The following RBMS3 variants were observed in gnomAD, a reference collection of about 807,000 sequenced individuals.
RBMS3 encodes the protein RNA binding motif single stranded interacting protein 3, also known as RNA-binding motif, single-stranded-interacting protein 3.
In RBMS3, 27 loss-of-function variants were observed where a neutral mutation model predicts 66.8. The ratio of observed to expected loss-of-function variants is 0.40; its 90% CI spans 0.30 to 0.56. RBMS3 has a LOEUF of 0.56. RBMS3 is among the 20% of genes least tolerant of loss of function. The pLI, the probability that RBMS3 is intolerant of heterozygous loss-of-function variation, is 0.40. For synonymous variants in RBMS3, 188 were observed against 183.0 expected, an observed-to-expected ratio of 1.03 and a Z score of -0.22; for missense variants, 513 against 549.5, an observed-to-expected ratio of 0.93 and a Z score of 0.66.
intron 2 of RBMS3, among the ~76,000 whole-genome samples, chr3:29,486,617 A>G (rs907127912): frequency 6.6e-6 from 1 of 152,168 alleles, no homozygotes; most frequent in Non-Finnish European, 1.5e-5. Flanking sequence ...ATAAGAAAAC[A>G]TTTAACATTT....
chr3:29,953,992 C>A (rs1012263506), intron 12 of RBMS3, among the ~76,000 whole-genome samples: 3 of 151,722 alleles, frequency 2.0e-5, no homozygotes, highest in African/African-American at 7.3e-5. Flanking sequence ...CTTGTATGTT[C>A]TTGATTTCAT....
intron 1 of RBMS3, among the ~76,000 whole-genome samples, chr3:29,398,556 A>G (rs575389059): frequency 6.6e-6 from 1 of 151,732 alleles, no homozygotes; most frequent in East Asian, 1.9e-4. Context: ...TGATTTGAAA[A>G]CTCTTCTGAA....
At chr3:29,340,764 A>C (rs779024535) in intron 1 of RBMS3, among the ~76,000 whole-genome samples, 6 of 152,136 alleles carry the variant, frequency 3.9e-5, no homozygotes, top group Non-Finnish European at 7.4e-5. Flanking sequence ...TCGCTTTTTC[A>C]GTTTGACAAG....
In RBMS3 at chr3:29,930,097, T is replaced by TTTTC. The variant is rs1187712918; in HGVS notation, c.940-5977_940-5974dup. On this transcript the variant is annotated intron_variant, in intron 10 of 14. Transcript: ENST00000383767. ...ACTGTAGATGAATACTTTGTGTCACTTTTCTTTCTTTCTTTTTTTTTTTTT... is the reference window on the plus strand; with the variant it reads ...ACTGTAGATGAATACTTTGTGTCACTTTTCTTTCTTTCTTTCTTTTTTTTTTTTT... Among the ~76,000 whole-genome samples the TTTTC allele has an allele frequency of 9.6e-3, 720 of 75,104 alleles. 67 individuals carry two copies. Among genetic ancestry groups the TTTTC allele is most frequent in the South Asian group, 0.069 (105 of 1,522 alleles). 49.3% of individuals were successfully genotyped at this position (75,104 alleles called of 152,430 possible). A position where few individuals can be genotyped will look rare whatever the true frequency, so the allele number is the denominator to read the frequency against.
chr3:29,724,373 C>G (rs180868419), intron 4 of RBMS3, among the ~76,000 whole-genome samples: 120 of 152,236 alleles, frequency 7.9e-4, no homozygotes, highest in Non-Finnish European at 1.4e-3. Context: ...TACTGAGCTT[C>G]TGTATTCCTG....
intron 1 of RBMS3, among the ~76,000 whole-genome samples, chr3:29,428,451 C>A (rs1421359950): frequency 6.6e-6 from 1 of 151,926 alleles, no homozygotes; most frequent in Admixed American, 6.6e-5. Flanking sequence ...TCACTACAAC[C>A]CCGCCTGCAG....
intron 4 of RBMS3, among the ~76,000 whole-genome samples, chr3:29,601,921 A>G (rs2048158757): frequency 6.6e-6 from 1 of 152,052 alleles, no homozygotes; most frequent in Non-Finnish European, 1.5e-5. Flanking sequence ...GTTAAGAGGG[A>G]CCATATGTAT....
chr3:29,510,249 T>C (rs1304461826), intron 3 of RBMS3, among the ~76,000 whole-genome samples: 1 of 152,182 alleles, frequency 6.6e-6, no homozygotes, highest in African/African-American at 2.4e-5. Flanking sequence ...GATCAACCCA[T>C]AGTGATTTTC....
intron 10 of RBMS3, among the ~76,000 whole-genome samples, chr3:29,918,224 A>T (rs1304509260): frequency 6.6e-6 from 1 of 152,158 alleles, no homozygotes; most frequent in Non-Finnish European, 1.5e-5. Flanking sequence ...GCAGATTAAT[A>T]AAAAATTATT....
chr3:29,378,467 G>T (rs369498437), intron 1 of RBMS3, among the ~76,000 whole-genome samples: 5 of 137,936 alleles, frequency 3.6e-5, no homozygotes, highest in African/African-American at 1.3e-4. Context: ...GTGAGACTCC[G>T]TCTCAAAAAA....
chr3:29,330,471 A>G lies in RBMS3; in HGVS notation c.75+48715A>G, dbSNP rs928888887. 4.3e-4 allele frequency among the ~76,000 whole-genome samples: 66 copies of G among 152,298 alleles called. 1 individual carries two copies. Among genetic ancestry groups the G allele is most frequent in the African/African-American group, 1.5e-3 (64 of 41,568 alleles). On this transcript the variant is annotated intron_variant, in intron 1 of 14. Coordinates refer to ENST00000383767, the MANE Select transcript of RBMS3 (RefSeq NM_001003793.3). The stretch of plus-strand genomic sequence containing the variant: ...ATCATTTGGGCTGGAAGAGCCCTAC[A>G]GTGAAATACATAGCTCATCCCCTTT...
intron 10 of RBMS3, among the ~76,000 whole-genome samples, chr3:29,926,450 T>A (rs192139676): frequency 1.1e-4 from 17 of 152,292 alleles, no homozygotes; most frequent in African/African-American, 3.6e-4. Flanking sequence ...TGTGACATAT[T>A]TAGGCAACTT....
chr3:29,961,157 T>C (rs1477845531), intron 12 of RBMS3, among the ~76,000 whole-genome samples: 3 of 152,174 alleles, frequency 2.0e-5, no homozygotes, highest in Non-Finnish European at 2.9e-5. Context: ...GTAAATCATC[T>C]CTCTTAAGTT....
At chr3:29,359,446 G>C (rs1047828046) in intron 1 of RBMS3, among the ~76,000 whole-genome samples, 21 of 152,138 alleles carry the variant, frequency 1.4e-4, no homozygotes, top group African/African-American at 5.1e-4. Flanking sequence ...GATTCGGTTT[G>C]CCAGTATTTT....
chr3:29,791,143 T>C (rs1199873519), intron 6 of RBMS3, among the ~76,000 whole-genome samples: 2 of 152,224 alleles, frequency 1.3e-5, no homozygotes, highest in African/African-American at 2.4e-5. Context: ...TTTTTGTTTT[T>C]TAAAGAGGTT....
chr3:29,318,914 T>C (rs1449189911), intron 1 of RBMS3, among the ~76,000 whole-genome samples: 1 of 151,910 alleles, frequency 6.6e-6, no homozygotes, highest in Admixed American at 6.6e-5. Flanking sequence ...GAAAATACCC[T>C]AGAGGAAACA....
chr3:29,585,879 T>C (rs1044960253), intron 3 of RBMS3, among the ~76,000 whole-genome samples: 3 of 152,084 alleles, frequency 2.0e-5, no homozygotes, highest in Admixed American at 2.0e-4. Context: ...CACTGCTGTG[T>C]AACAAGTTCA....
chr3:29,765,810 G>C (rs939303604), intron 6 of RBMS3: 2 of 153,404 alleles, frequency 1.3e-5, no homozygotes, highest in African/African-American at 2.4e-5. Flanking sequence ...GAAAGAAAGA[G>C]ATTTATTGGA....
chr3:29,864,047 T>A (rs2059284868), intron 6 of RBMS3, among the ~76,000 whole-genome samples: 1 of 152,230 alleles, frequency 6.6e-6, no homozygotes, highest in African/African-American at 2.4e-5. Flanking sequence ...AGATGGTCTC[T>A]TTTAATGAGG....
Sources: gnomAD v4.1 joint callset for allele counts (sites outside exome capture counted in the v4.1 genomes callset) on GRCh38, gnomAD v4.1.1 for gene constraint, MANE v1.5 for transcripts, NCBI Gene and HGNC (gene_info 2026-07-23, HGNC 2026-07-21) for gene names.